The following WWOX variants were observed in gnomAD, a reference collection of about 807,000 sequenced individuals.
WWOX encodes the protein WW domain-containing oxidoreductase.
A neutral mutation model predicts 46.2 loss-of-function variants in WWOX; 69 were observed. That is an observed-to-expected ratio of 1.49 (90% confidence interval 1.23 to 1.82). WWOX has a LOEUF of 1.82. WWOX is among the 40% of genes most tolerant of loss of function. WWOX has a pLI of 0.00. For missense variants in WWOX, 919 were observed against 542.6 expected, an observed-to-expected ratio of 1.69 and a Z score of -6.89; for synonymous variants, 359 against 202.6, an observed-to-expected ratio of 1.77 and a Z score of -6.56.
At chr16:78,637,666 C>T (rs551625385) in intron 8 of WWOX, among the ~76,000 whole-genome samples, 2 of 152,188 alleles carry the variant, frequency 1.3e-5, no homozygotes, top group South Asian at 2.1e-4. Context: ...TTCCTGTATG[C>T]TCCTTGATGA....
At chr16:78,115,240 GT>G in intron 4 of WWOX, 86 bp downstream of exon 4, 1 of 1,502,136 alleles carries the variant, frequency 6.7e-7, no homozygotes, top group Non-Finnish European at 9.2e-7. Flanking sequence ...TTGTTTAGTG[GT>G]TCTCTGATTT....
intron 8 of WWOX, among the ~76,000 whole-genome samples, chr16:79,180,298 G>T (rs2050885056): frequency 6.6e-6 from 1 of 152,202 alleles, no homozygotes; most frequent in Admixed American, 6.5e-5. Flanking sequence ...GTGTGCACAA[G>T]GTGGAAGGTC....
intron 5 of WWOX, among the ~76,000 whole-genome samples, chr16:78,249,700 T>C (rs1320157750): frequency 1.3e-5 from 2 of 152,214 alleles, no homozygotes; most frequent in African/African-American, 2.4e-5. Flanking sequence ...AAAATGATCA[T>C]TTCAACAACA....
intron 5 of WWOX, among the ~76,000 whole-genome samples, chr16:78,313,250 C>A (rs1003188506): frequency 1.3e-5 from 2 of 152,204 alleles, no homozygotes; most frequent in African/African-American, 4.8e-5. Flanking sequence ...CCTTGACTTC[C>A]TTATCTATAA....
At chr16:78,483,138 G>A (rs572936577) in intron 8 of WWOX, among the ~76,000 whole-genome samples, 1 of 152,270 alleles carries the variant, frequency 6.6e-6, no homozygotes, top group East Asian at 1.9e-4. Context: ...ATGCATGAGT[G>A]TGTTAGACTG....
chr16:79,030,149 A>G (rs1230181623), intron 8 of WWOX, among the ~76,000 whole-genome samples: 1 of 152,254 alleles, frequency 6.6e-6, no homozygotes, highest in Non-Finnish European at 1.5e-5. Flanking sequence ...TGAATAAGTA[A>G]TGAAGTCTAA....
At chr16:78,855,624 C>G (rs571343992) in intron 8 of WWOX, among the ~76,000 whole-genome samples, 1 of 152,148 alleles carries the variant, frequency 6.6e-6, no homozygotes, top group Non-Finnish European at 1.5e-5. Context: ...TAGAGCTAAC[C>G]GAAGAGGGAA....
At chr16:78,751,461 T>TATATATATTTATCAGATTATATATATA (rs1555528822) in intron 8 of WWOX, among the ~76,000 whole-genome samples, 71 of 128,416 alleles carry the variant, frequency 5.5e-4, no homozygotes, top group African/African-American at 2.0e-3. Context: ...TTATCAGATT[T>TATATATATTTATCAGATTATATATATA]TATATATATA....
intron 4 of WWOX, among the ~76,000 whole-genome samples, chr16:78,139,687 T>C (rs2033919906): frequency 6.6e-6 from 1 of 152,136 alleles, no homozygotes; most frequent in Non-Finnish European, 1.5e-5. Flanking sequence ...GTTTTCTGTA[T>C]TGAAAATGTT....
chr16:79,181,197 G>T (rs139714382), intron 8 of WWOX, among the ~76,000 whole-genome samples: 3 of 152,134 alleles, frequency 2.0e-5, no homozygotes, highest in Admixed American at 6.5e-5. Context: ...ACTTAATAGC[G>T]TAATATTTTG....
chr16:79,144,833 C>G (rs144974800), intron 8 of WWOX, among the ~76,000 whole-genome samples: 4 of 152,092 alleles, frequency 2.6e-5, no homozygotes, highest in Admixed American at 1.3e-4. Flanking sequence ...ATTTATGTAA[C>G]TTTTATTACA....
intron 7 of WWOX, among the ~76,000 whole-genome samples, chr16:78,429,431 G>C (rs995057117): frequency 1.3e-5 from 2 of 152,156 alleles, no homozygotes; most frequent in African/African-American, 2.4e-5. Flanking sequence ...ATGATATCCA[G>C]CTGTGGAAGA....
At chr16:78,181,528 A>G (rs373758926) in intron 5 of WWOX, among the ~76,000 whole-genome samples, 1 of 152,214 alleles carries the variant, frequency 6.6e-6, no homozygotes, top group Non-Finnish European at 1.5e-5. Flanking sequence ...AATGAAACTA[A>G]GGCCGGAGCG....
intron 5 of WWOX, among the ~76,000 whole-genome samples, chr16:78,356,035 C>T (rs768701993): frequency 8.6e-6 from 1 of 115,850 alleles, no homozygotes; most frequent in South Asian, 2.8e-4. Context: ...TTCTCAAGCT[C>T]TTCCAATAAA....
intron 5 of WWOX, among the ~76,000 whole-genome samples, chr16:78,371,486 T>G (rs1774357326): frequency 6.6e-6 from 1 of 152,162 alleles, no homozygotes; most frequent in Non-Finnish European, 1.5e-5. Context: ...TATACTCTTT[T>G]AATGGTCTGT....
At chr16:78,637,343 A>T (rs1236216252) in intron 8 of WWOX, among the ~76,000 whole-genome samples, 1 of 151,938 alleles carries the variant, frequency 6.6e-6, no homozygotes, top group East Asian at 1.9e-4. Flanking sequence ...TTGGAGGCTG[A>T]TGCAGCAGAG....
Position 79,058,230 on chromosome 16 carries a change from T to A in WWOX, c.1057-153378T>A, listed in dbSNP as rs77961655. On this transcript the variant is annotated intron_variant, in intron 8 of 8. Transcript: ENST00000566780. ...ATACAGGTGTGCCCTCCTTCCAAGA[T>A]GTGTGATGGTGGGCAACTTTCTTTG... Among the ~76,000 whole-genome samples the A allele has an allele frequency of 2.3e-4, 35 of 152,080 alleles. No homozygotes were observed. The East Asian group carries it at 4.3e-3, about 19-fold the overall frequency.
chr16:78,775,594 C>G (rs544490127), intron 8 of WWOX, among the ~76,000 whole-genome samples: 3 of 152,192 alleles, frequency 2.0e-5, no homozygotes, highest in Non-Finnish European at 4.4e-5. Flanking sequence ...GTTTCACTCC[C>G]CCACCTCTCC....
intron 5 of WWOX, among the ~76,000 whole-genome samples, chr16:78,335,799 T>C (rs545105399): frequency 7.2e-5 from 11 of 152,250 alleles, no homozygotes; most frequent in African/African-American, 2.2e-4. Flanking sequence ...CTTGCGTTTC[T>C]AAAAGGTACT....
Sources: gnomAD v4.1 joint callset for allele counts (sites outside exome capture counted in the v4.1 genomes callset) on GRCh38, gnomAD v4.1.1 for gene constraint, MANE v1.5 for transcripts, NCBI Gene and HGNC (gene_info 2026-07-23, HGNC 2026-07-21) for gene names.